ACSM2B: variants seen among roughly 807,000 people sequenced by gnomAD.
ACSM2B encodes the protein acyl-CoA synthetase medium chain family member 2B, also known as acyl-coenzyme A synthetase ACSM2B, mitochondrial.
Under a neutral mutation model 78.6 loss-of-function variants are expected in ACSM2B, and 58 were observed. The ratio of observed to expected loss-of-function variants is 0.74; its 90% CI spans 0.60 to 0.92. The LOEUF (loss-of-function observed/expected upper bound fraction) is 0.92, where lower values mean the gene tolerates loss of function less well. Among genes scored for constraint, ACSM2B ranks in the 40% least tolerant of loss-of-function variants. The pLI is 0.00. For synonymous variants in ACSM2B, 257 were observed against 256.8 expected (o/e 1.00, Z -0.01); for missense variants, 688 against 711.2 (o/e 0.97, Z 0.37).
At chr16:20,563,528 T>C (rs1042157517) in intron 2 of ACSM2B, among the ~76,000 whole-genome samples, 1 of 152,140 alleles carries the variant, frequency 6.6e-6, no homozygotes, top group Admixed American at 6.5e-5. Flanking sequence ...TGGTGAGTCA[T>C]GGTAGTAAGG....
At chr16:20,550,874 T>C (rs761522089) in intron 6 of ACSM2B, among the ~76,000 whole-genome samples, 14 of 152,158 alleles carry the variant, frequency 9.2e-5, no homozygotes, top group Non-Finnish European at 1.8e-4. Flanking sequence ...TCAAGTTCTA[T>C]AGGAAAAAAT....
chr16:20,554,023 T>G, intron 4 of ACSM2B, 103 bp from the exon 5 acceptor site: 1 of 1,347,884 alleles, frequency 7.4e-7, no homozygotes, highest in Non-Finnish European at 1.0e-6. Context: ...AAGGGCAAGT[T>G]GATGGACCCA....
At chr16:20,567,216 C>G (rs1329973624) in intron 1 of ACSM2B, among the ~76,000 whole-genome samples, 3 of 124,910 alleles carry the variant, frequency 2.4e-5, no homozygotes, top group Admixed American at 1.9e-4. Flanking sequence ...ATATATTATA[C>G]TATATACTAT....
At position 20,556,566 on chromosome 16, in the gene ACSM2B, C is replaced by T. The variant is rs551952397; in HGVS notation, c.389-1090G>A. 2.5e-3 allele frequency among the ~76,000 whole-genome samples: 387 copies of T among 152,286 alleles called. 1 individual carries two copies. The highest frequency in any genetic ancestry group is 3.3e-3 in the Non-Finnish European group (225 of 68,034). ...GCAGTGAGCCAAAATCGCACCACTG[C>T]ACTCCAGCCTGGACTACAGAGGGAG... On this transcript the variant is annotated intron_variant, in intron 3 of 13. Transcript: ENST00000329697.
At chr16:20,539,050 C>G (rs1033114079) in intron 13 of ACSM2B, among the ~76,000 whole-genome samples, 8 of 151,864 alleles carry the variant, frequency 5.3e-5, no homozygotes, top group African/African-American at 1.9e-4. Context: ...ACCGTAAAGA[C>G]CCCCTTCCCT....
chr16:20,565,849 T>C (rs891721652), intron 1 of ACSM2B, among the ~76,000 whole-genome samples: 2 of 151,990 alleles, frequency 1.3e-5, no homozygotes, highest in Admixed American at 6.6e-5. Flanking sequence ...TCAAAGTTCA[T>C]TGTGTCATAC....
At position 20,546,889 on chromosome 16, in the gene ACSM2B, A is replaced by G. The variant is rs1445381989; in HGVS notation, c.1099-415T>C. 3.5e-5 allele frequency: 6 copies of G among 171,894 alleles called. No homozygotes were observed. In the Admixed American group the frequency reaches 3.9e-4, roughly 11 times the overall value. The allele number at this position is 171,894 out of a possible 1,614,324, so 10.6% of individuals were successfully genotyped here. On this transcript the variant is annotated intron_variant, in intron 8 of 13. Coordinates refer to ENST00000329697, the MANE Select transcript of ACSM2B (RefSeq NM_001105069.2). ...TGTATCTATTTATGGGATATATGAG[A>G]TGTTTTGATACAGGCATGCAATATG...
chr16:20,537,383 C>T, intron 13 of ACSM2B, 21 bp from the exon 14 acceptor site: 1 of 1,612,390 alleles, frequency 6.2e-7, no homozygotes, highest in Non-Finnish European at 8.5e-7. Context: ...ACAAATCAGT[C>T]CAGGGTGGGT....
Position 20,542,996 on chromosome 16 carries a change from G to A in ACSM2B, c.1427C>T (p.Ser476Leu), listed in dbSNP as rs780603911. 31 of 1,613,416 alleles carry A rather than the reference G, an allele frequency of 1.9e-5. No individual in the cohort carries two copies. Among genetic ancestry groups the A allele is most frequent in the African/African-American group, 9.4e-5 (7 of 74,556 alleles). ...CTTCATCAGTGCATTCTCTACCTCC[G>A]AGGGTCCAATCCGGTACCTGCAGAA... The part of the protein sequence containing the change: ...INSSGYRIGP[S>L]EVENALMKHP... The change falls in exon 12 of 14, where the codon TCG becomes TTG. Residue 476 changes from serine to leucine, a missense_variant. By Grantham distance (145) the Ser-to-Leu change is moderately radical. Coordinates refer to ENST00000329697, the MANE Select transcript of ACSM2B (RefSeq NM_001105069.2).
chr16:20,541,034 G>C (rs1385043163), intron 12 of ACSM2B: 1 of 292,222 alleles, frequency 3.4e-6, no homozygotes, highest in South Asian at 9.8e-5. Context: ...AGACAGATGA[G>C]GAGAAAGAAG....
At position 20,552,251 on chromosome 16, in the gene ACSM2B, T is replaced by A. The variant is rs2152137457; in HGVS notation, c.787A>T (p.Thr263Ser). 1.2e-6 allele frequency: 2 copies of A among 1,613,880 alleles called. No individual in the cohort carries two copies. The highest frequency in any genetic ancestry group is 1.7e-6 in the Non-Finnish European group (2 of 1,179,800). The change falls in exon 6 of 14, where the codon ACA becomes TCA. Residue 263 changes from threonine (T) to serine (S), a missense_variant. By Grantham distance (58) the Thr-to-Ser change is moderately conservative. Transcript: ENST00000329697. ...ASDIMWTISD[T>S]GWILNILGSL... The stretch of plus-strand genomic sequence containing the variant: ...CCCAAGATGTTCAGTATCCAACCTG[T>A]GTCTGATATGGTCCACATTATATCA...
rs190391441 is a variant in ACSM2B, at chr16:20,573,119, T to G, written c.-9+3088A>C. On this transcript the variant is annotated intron_variant, in intron 1 of 13. Coordinates refer to ENST00000329697, the MANE Select transcript of ACSM2B (RefSeq NM_001105069.2). ...ATTGCTGGTGAGCTAGTGTGATTTT[T>G]GGGGGGAGGTGTTAAACAGCCTTGT... is the stretch of plus-strand genomic sequence containing the variant. 7.6e-3 allele frequency among the ~76,000 whole-genome samples: 1,153 copies of G among 151,744 alleles called. 21 individuals are homozygous for G. Among genetic ancestry groups the G allele is most frequent in the African/African-American group, 0.027 (1,109 of 41,374 alleles).
At chr16:20,553,356 G>C (rs1312299868) in intron 5 of ACSM2B, among the ~76,000 whole-genome samples, 1 of 152,150 alleles carries the variant, frequency 6.6e-6, no homozygotes, top group East Asian at 1.9e-4. Context: ...TGAGATCTTT[G>C]TTCACAAATT....
intron 12 of ACSM2B, 162 bp from the exon 13 acceptor site, chr16:20,540,935 A>T: frequency 8.8e-7 from 1 of 1,131,440 alleles, no homozygotes; most frequent in Non-Finnish European, 1.2e-6. Flanking sequence ...GACAAGAATG[A>T]GGTTCCAGCT....
At chr16:20,565,651 T>C (rs2015803749) in intron 1 of ACSM2B, among the ~76,000 whole-genome samples, 1 of 152,110 alleles carries the variant, frequency 6.6e-6, no homozygotes, top group African/African-American at 2.4e-5. Context: ...CACAATCACT[T>C]TAGAAATTAC....
chr16:20,567,436 T>C (rs1189769159), intron 1 of ACSM2B, among the ~76,000 whole-genome samples: 2 of 118,768 alleles, frequency 1.7e-5, no homozygotes, highest in South Asian at 2.3e-4. Flanking sequence ...TATTAATATA[T>C]AATATATAGT....
chr16:20,574,962 T>C (rs1459985092), intron 1 of ACSM2B, among the ~76,000 whole-genome samples: 3 of 146,370 alleles, frequency 2.0e-5, no homozygotes, highest in South Asian at 2.2e-4. Context: ...TCTCCACATA[T>C]GGTCAAAGGT....
At chr16:20,546,172 A>G (rs1015739531) in intron 9 of ACSM2B, among the ~76,000 whole-genome samples, 16 of 152,128 alleles carry the variant, frequency 1.1e-4, no homozygotes, top group South Asian at 2.1e-4. Context: ...TAGATATTCA[A>G]AGTGAGTCCT....
chr16:20,573,758 C>T lies in ACSM2B; in HGVS notation c.-9+2449G>A, dbSNP rs1331386949. 5.9e-5 allele frequency among the ~76,000 whole-genome samples: 9 copies of T among 151,438 alleles called. No homozygotes were observed. The Middle Eastern group carries it at 0.017, about 288-fold the overall frequency. On this transcript the variant is annotated intron_variant, in intron 1 of 13. Transcript: ENST00000329697. ...AGTGGTAGGACTATGATGGTGACCC[C>T]GAGCAGCAAAACCAGCAAGTTTTTA...
Sources: allele counts gnomAD v4.1 joint callset (sites outside exome capture counted in the v4.1 genomes callset), GRCh38; gene constraint gnomAD v4.1.1; transcripts MANE v1.5; gene names NCBI Gene and HGNC (gene_info 2026-07-23, HGNC 2026-07-21).